The following PROSER2 variants were observed in gnomAD, a reference collection of about 807,000 sequenced individuals.
PROSER2 encodes proline and serine rich 2.
Under a neutral mutation model 14.6 loss-of-function variants are expected in PROSER2, and 18 were observed. The ratio of observed to expected loss-of-function variants is 1.23; its 90% CI spans 0.85 to 1.83. The LOEUF is 1.83. PROSER2 is among the 40% of genes most tolerant of loss of function. PROSER2 has a pLI of 0.00. For missense variants in PROSER2, 823 were observed against 629.8 expected, an observed-to-expected ratio of 1.31 and a Z score of -3.28; for synonymous variants, 367 against 286.4, an observed-to-expected ratio of 1.28 and a Z score of -2.84.
chr10:11,846,148 G>A (rs1384262149), intron 1 of PROSER2, among the ~76,000 whole-genome samples: 3 of 152,042 alleles, frequency 2.0e-5, no homozygotes, highest in Non-Finnish European at 2.9e-5. Context: ...CACCACGCCC[G>A]GCTCATTTTT....
intron 2 of PROSER2, among the ~76,000 whole-genome samples, chr10:11,852,665 C>T (rs193257029): frequency 5.1e-4 from 77 of 150,520 alleles, no homozygotes; most frequent in Admixed American, 1.5e-3. Flanking sequence ...ATTACAGGCT[C>T]GTGCCACCAC....
At chr10:11,857,022 G>A (rs918793835) in intron 2 of PROSER2, among the ~76,000 whole-genome samples, 1 of 152,186 alleles carries the variant, frequency 6.6e-6, no homozygotes, top group Admixed American at 6.5e-5. Flanking sequence ...TAACTCAGTA[G>A]CTTTTCTAAA....
intron 1 of PROSER2, chr10:11,850,885 T>G (rs1215325059): frequency 2.6e-5 from 4 of 152,270 alleles, no homozygotes. Flanking sequence ...TGTTGAACTG[T>G]CTAACATGCC....
chr10:11,842,609 T>C (rs1444302947), intron 1 of PROSER2, among the ~76,000 whole-genome samples: 10 of 152,238 alleles, frequency 6.6e-5, no homozygotes. Flanking sequence ...TTTGATATAC[T>C]GTTTGTTTAC....
intron 2 of PROSER2, among the ~76,000 whole-genome samples, chr10:11,860,316 C>T (rs1213934751): frequency 2.6e-5 from 4 of 152,234 alleles, no homozygotes; most frequent in South Asian, 2.1e-4. Flanking sequence ...CCAACTGGCT[C>T]GGTGAAAATG....
chr10:11,857,821 G>A (rs956582116), intron 2 of PROSER2, among the ~76,000 whole-genome samples: 8 of 151,740 alleles, frequency 5.3e-5, no homozygotes, highest in African/African-American at 9.7e-5. Context: ...CGGCAACCTC[G>A]GAAGAGAGAC....
chr10:11,852,096 A>G lies in PROSER2; in HGVS notation c.19A>G (p.Lys7Glu), dbSNP rs1046636902. 6.2e-7 allele frequency: 1 copy of G among 1,612,090 alleles called. No individual in the cohort carries two copies. Among genetic ancestry groups the G allele is most frequent in the Non-Finnish European group, 8.5e-7 (1 of 1,178,978 alleles). ...TGTGGAGATGCCTGTAACCCACCGG[A>G]AATCAGACGCATCTGACATGAACTC... MPVTHRKSDASDMNSDT... is the reference protein window; with the variant it reads MPVTHRESDASDMNSDT... Residue 7 changes from lysine (K) to glutamate (E), a missense_variant, in exon 2 of 4, where the codon AAA (lysine) becomes GAA (glutamate). Coordinates refer to ENST00000277570, the MANE Select transcript of PROSER2 (RefSeq NM_153256.4).
rs376959857 is a variant in PROSER2 at position 11,831,338 on chromosome 10, C to T, written c.-82+7868C>T. Among the ~76,000 whole-genome samples the T allele has an allele frequency of 5.9e-5, 9 of 152,016 alleles. No individual in the cohort carries two copies. In the East Asian group the frequency reaches 9.6e-4, roughly 16 times the overall value. ...ATTAGTGAAGCACATATTGGGTGCT[C>T]GGTAATATTTGCTAAGCAAATAAAG... On this transcript the variant is annotated intron_variant, in intron 1 of 3. Coordinates refer to ENST00000277570, the MANE Select transcript of PROSER2 (RefSeq NM_153256.4).
chr10:11,842,178 C>T (rs575247869), intron 1 of PROSER2, among the ~76,000 whole-genome samples: 81 of 150,784 alleles, frequency 5.4e-4, no homozygotes, highest in Non-Finnish European at 8.1e-4. Context: ...GCTGAGATCG[C>T]GCCACTGCAA....
At chr10:11,861,242 A>C (rs1413064600) in intron 2 of PROSER2, among the ~76,000 whole-genome samples, 1 of 152,090 alleles carries the variant, frequency 6.6e-6, no homozygotes, top group African/African-American at 2.4e-5. Flanking sequence ...TTATTGACTG[A>C]CATGTCATTT....
intron 1 of PROSER2, among the ~76,000 whole-genome samples, chr10:11,840,937 AAAAAAAAAAAAAAAAAAAAT>A (rs1833829355): frequency 2.9e-5 from 2 of 69,600 alleles, no homozygotes; most frequent in South Asian, 4.3e-4. Context: ...AAAAAAAAAA[AAAAAAAAAAAAAAAAAAAAT>A]ATATATATAT....
intron 2 of PROSER2, 62 bp downstream of exon 2, chr10:11,852,277 C>A: frequency 6.6e-7 from 1 of 1,515,294 alleles, no homozygotes. Flanking sequence ...TGCCTCAATC[C>A]CTCTCCCTTG....
chr10:11,846,027 C>T (rs1287236591), intron 1 of PROSER2, among the ~76,000 whole-genome samples: 2 of 152,148 alleles, frequency 1.3e-5, no homozygotes, highest in Non-Finnish European at 2.9e-5. Context: ...CACTCTGTTG[C>T]CCAGGCTGGA....
At chr10:11,847,146 C>CATAA (rs200670287) in intron 1 of PROSER2, among the ~76,000 whole-genome samples, 12,468 of 117,100 alleles carry the variant, frequency 0.11, 652 homozygotes, top group Middle Eastern at 0.16. Context: ...AAAAGAAAAA[C>CATAA]ATAAATAAAT....
At position 11,865,434 on chromosome 10, in the gene PROSER2, T is replaced by G. The variant is rs1389342496; in HGVS notation, c.139-1097T>G. Among the ~76,000 whole-genome samples the G allele has an allele frequency of 6.6e-6, 1 of 152,258 alleles. No individual in the cohort carries two copies. Among genetic ancestry groups the G allele is most frequent in the Non-Finnish European group, 1.5e-5 (1 of 68,052 alleles). On this transcript the variant is annotated intron_variant, in intron 2 of 3. Transcript: ENST00000277570. The surrounding 1 kb of genome is among the most constrained non-coding windows in gnomAD (Gnocchi z 4.2). ...GTTCATTTCCTGTAAGTTGCTTTTC[T>G]ATCCTTTGATTTTGATAGCTGTTTC...
In PROSER2 at chr10:11,870,189, A is replaced by C; in HGVS notation, c.1091A>C (p.Lys364Thr). ...SAPSSFAPAG[K>T]SLCFRPGPAL... ...CCCAGCTCCTTCGCGCCCGCTGGGA[A>C]GTCCCTCTGCTTCCGCCCTGGCCCG... Residue 364 changes from lysine (K) to threonine (T), a missense_variant, in exon 4 of 4, where the codon AAG becomes ACG. Lys to Thr is a moderately conservative substitution (Grantham distance 78). Coordinates refer to ENST00000277570, the MANE Select transcript of PROSER2 (RefSeq NM_153256.4). 2 of 1,486,894 alleles carry C rather than the reference A, an allele frequency of 1.3e-6. No homozygotes were observed. The highest frequency in any genetic ancestry group is 1.8e-6 in the Non-Finnish European group (2 of 1,125,610). The allele number at this position is 1,486,894 out of a possible 1,614,324, so 92.1% of individuals were successfully genotyped here. A position where few individuals can be genotyped will look rare whatever the true frequency, so the allele number is the denominator to read the frequency against.
rs182605658 is a variant in PROSER2 at position 11,835,363 on chromosome 10, G to A, written c.-82+11893G>A. The stretch of plus-strand genomic sequence containing the variant: ...TGTGAACGTAGAGAAGGAACCAGGC[G>A]TGTGCTCAGAGCTCTCGGGTGTGTC... On this transcript the variant is annotated intron_variant, in intron 1 of 3. Transcript: ENST00000277570. Among the ~76,000 whole-genome samples the A allele has an allele frequency of 1.5e-4, 23 of 152,250 alleles. No individual in the cohort carries two copies. The East Asian group carries it at 4.4e-3, about 29-fold the overall frequency.
At position 11,865,848 on chromosome 10, in the gene PROSER2, C is replaced by G. The variant is rs1426278205; in HGVS notation, c.139-683C>G. Among the ~76,000 whole-genome samples, 2 of 152,158 alleles carry G rather than the reference C, an allele frequency of 1.3e-5. No homozygotes were observed. The highest frequency in any genetic ancestry group is 2.4e-5 in the African/African-American group (1 of 41,430). ...TTCTGAAAGAGACTTTCAAACAGTT[C>G]AGCTCTCTTCACCGTCACCTTGCCC... On this transcript the variant is annotated intron_variant, in intron 2 of 3. Transcript: ENST00000277570. The surrounding 1 kb of genome is among the most constrained non-coding windows in gnomAD (Gnocchi z 4.2).
intron 1 of PROSER2, among the ~76,000 whole-genome samples, chr10:11,846,429 A>G (rs1217190183): frequency 1.3e-5 from 2 of 152,100 alleles, no homozygotes; most frequent in African/African-American, 2.4e-5. Context: ...TCTGTGCTAC[A>G]ATCTGGACAA....
Sources: gnomAD v4.1 joint callset for allele counts (sites outside exome capture counted in the v4.1 genomes callset) on GRCh38, gnomAD v4.1.1 for gene constraint, Gnocchi (gnomAD v3.1) non-coding constraint, MANE v1.5 for transcripts, NCBI Gene and HGNC (gene_info 2026-07-23, HGNC 2026-07-21) for gene names.